The following CD109 variants were observed in gnomAD, a reference collection of about 807,000 sequenced individuals.
CD109 encodes CD109 molecule.
In CD109, 149 loss-of-function variants were observed where a neutral mutation model predicts 165.8. The ratio of observed to expected loss-of-function variants is 0.90; its 90% CI spans 0.79 to 1.03. The LOEUF (loss-of-function observed/expected upper bound fraction) is 1.03, where lower values mean the gene tolerates loss of function less well. Among genes scored for constraint, CD109 ranks in the 50% least tolerant of loss-of-function variants. The probability of loss-of-function intolerance (pLI) is 0.00; values close to 1 mark genes in which losing one functional copy is unlikely to be tolerated. For synonymous variants in CD109, 585 were observed against 592.1 expected, an observed-to-expected ratio of 0.99 and a Z score of 0.18; for missense variants, 1,712 against 1,677.8, an observed-to-expected ratio of 1.02 and a Z score of -0.36.
intron 2 of CD109, among the ~76,000 whole-genome samples, chr6:73,699,110 C>G (rs1446758157): frequency 6.6e-6 from 1 of 152,102 alleles, no homozygotes; most frequent in East Asian, 1.9e-4. Context: ...AAATGAATGA[C>G]CCCTGATCTT....
intron 5 of CD109, among the ~76,000 whole-genome samples, chr6:73,751,121 A>G (rs1382267270): frequency 6.6e-6 from 1 of 152,168 alleles, no homozygotes; most frequent in East Asian, 1.9e-4. Context: ...AGGGGTAACA[A>G]AATTCTCATC....
chr6:73,750,737 CT>C (rs1420449334), intron 5 of CD109, among the ~76,000 whole-genome samples: 1 of 152,154 alleles, frequency 6.6e-6, no homozygotes, highest in Non-Finnish European at 1.5e-5. Flanking sequence ...CCTATTCTTA[CT>C]TAACATATTC....
At chr6:73,802,289 G>GTGTGTATATA (rs71542231) in intron 23 of CD109, among the ~76,000 whole-genome samples, 144 of 78,188 alleles carry the variant, frequency 1.8e-3, no homozygotes, top group East Asian at 2.7e-3. Context: ...GTGTGTGTGT[G>GTGTGTATATA]TATATATATA....
At chr6:73,771,278 C>T in intron 14 of CD109, 151 bp from the exon 15 acceptor site, 1 of 553,934 alleles carries the variant, frequency 1.8e-6, no homozygotes, top group Non-Finnish European at 3.1e-6. Flanking sequence ...TTATTCCTTT[C>T]CCTAGAGAAG....
chr6:73,746,018 C>A (rs113148099), intron 5 of CD109, among the ~76,000 whole-genome samples: 1,840 of 152,372 alleles, frequency 0.012, 23 homozygotes, highest in Middle Eastern at 0.027. Flanking sequence ...GCATAAGCCA[C>A]TGTGCTCAGC....
At chr6:73,769,033 A>T (rs1025450580) in intron 14 of CD109, among the ~76,000 whole-genome samples, 2 of 151,788 alleles carry the variant, frequency 1.3e-5, no homozygotes, top group Non-Finnish European at 2.9e-5. Flanking sequence ...TTATTTTTTG[A>T]GACTAGGTTA....
chr6:73,781,875 C>G (rs1774522775), intron 17 of CD109, among the ~76,000 whole-genome samples: 1 of 145,236 alleles, frequency 6.9e-6, no homozygotes. Context: ...AGGATTATAT[C>G]TGTACATCCT....
At position 73,707,023 on chromosome 6, in the gene CD109, T is replaced by C. The variant is rs1279180139; in HGVS notation, c.247+9451T>C. Among the ~76,000 whole-genome samples the C allele has an allele frequency of 1.3e-5, 2 of 152,226 alleles. 1 individual carries two copies. Among genetic ancestry groups the C allele is most frequent in the African/African-American group, 4.8e-5 (2 of 41,458 alleles). On this transcript the variant is annotated intron_variant, in intron 2 of 32. Coordinates refer to ENST00000287097, the MANE Select transcript of CD109 (RefSeq NM_133493.5). ...GCACAATGCTGGGTGACATAAATATTTGGTGACCACATGAGGTTCCTGTGC... is the reference window on the plus strand; with the variant it reads ...GCACAATGCTGGGTGACATAAATATCTGGTGACCACATGAGGTTCCTGTGC...
intron 2 of CD109, among the ~76,000 whole-genome samples, chr6:73,703,996 C>T (rs899067517): frequency 2.6e-5 from 4 of 152,026 alleles, no homozygotes; most frequent in Non-Finnish European, 5.9e-5. Context: ...ACCAGCCTGG[C>T]CAACATGGTG....
At chr6:73,720,676 A>G (rs1771918484) in intron 2 of CD109, among the ~76,000 whole-genome samples, 1 of 152,242 alleles carries the variant, frequency 6.6e-6, no homozygotes, top group African/African-American at 2.4e-5. Flanking sequence ...AAACATTTTC[A>G]GAGTTAATTT....
intron 10 of CD109, among the ~76,000 whole-genome samples, chr6:73,765,707 G>T (rs1773809053): frequency 6.6e-6 from 1 of 152,134 alleles, no homozygotes; most frequent in Non-Finnish European, 1.5e-5. Flanking sequence ...AGGAAGTGAA[G>T]GGGGTTATTT....
intron 23 of CD109, among the ~76,000 whole-genome samples, chr6:73,801,017 TAGAG>T (rs1775342855): frequency 6.6e-6 from 1 of 152,222 alleles, no homozygotes; most frequent in Non-Finnish European, 1.5e-5. Flanking sequence ...ATCTGGTGCT[TAGAG>T]AGCCTTCCTC....
At chr6:73,714,160 G>A (rs1771637744) in intron 2 of CD109, among the ~76,000 whole-genome samples, 1 of 152,226 alleles carries the variant, frequency 6.6e-6, no homozygotes. Context: ...ACATTGTGGT[G>A]GATGCTGTGT....
chr6:73,692,789 G>A (rs1373451022), upstream of CD109, among the ~76,000 whole-genome samples: 3 of 152,252 alleles, frequency 2.0e-5, no homozygotes, highest in Non-Finnish European at 4.4e-5. Flanking sequence ...GTTTTATAAA[G>A]GGGAGTTCCC....
chr6:73,799,138 C>G (rs1775275862), intron 23 of CD109, among the ~76,000 whole-genome samples: 1 of 152,058 alleles, frequency 6.6e-6, no homozygotes, highest in Non-Finnish European at 1.5e-5. Context: ...TATTTTGCTT[C>G]TCTGTGATCC....
At chr6:73,821,965 GTTTC>G (rs1776124237) in intron 32 of CD109, among the ~76,000 whole-genome samples, 1 of 152,188 alleles carries the variant, frequency 6.6e-6, no homozygotes, top group South Asian at 2.1e-4. Context: ...GGAGTTAGCT[GTTTC>G]TTTATTGAGG....
intron 2 of CD109, among the ~76,000 whole-genome samples, chr6:73,705,283 A>G (rs1264903568): frequency 6.6e-6 from 1 of 152,176 alleles, no homozygotes; most frequent in Non-Finnish European, 1.5e-5. Context: ...TGCACAAGAG[A>G]GACAGAGCTC....
At chr6:73,744,853 A>G (rs540535633) in intron 5 of CD109, among the ~76,000 whole-genome samples, 19 of 152,308 alleles carry the variant, frequency 1.2e-4, no homozygotes, top group Middle Eastern at 3.4e-3. Context: ...TGTTGTGTTC[A>G]TCAATGAAAT....
In CD109 at chr6:73,810,001, G is replaced by A; in HGVS notation, c.3373G>A (p.Val1125Met). 6.3e-7 allele frequency: 1 copy of A among 1,590,522 alleles called. No individual in the cohort carries two copies. The highest frequency in any genetic ancestry group is 8.5e-7 in the Non-Finnish European group (1 of 1,171,594). Residue 1125 changes from valine to methionine, a missense_variant, in exon 27 of 33, where the codon GTG (valine) becomes ATG (methionine). Val to Met is a conservative substitution (Grantham distance 21). Coordinates refer to ENST00000287097, the MANE Select transcript of CD109 (RefSeq NM_133493.5). Reference sequence around the variant, plus strand: ...TCTTGCAGGTGGCATGCAATTCTGGGTGTCATCAGAGTCCAAACTTTCTGA... The same window carrying A: ...TCTTGCAGGTGGCATGCAATTCTGGATGTCATCAGAGTCCAAACTTTCTGA... ...AEQEGGMQFW[V>M]SSESKLSDSW...
Sources: allele counts gnomAD v4.1 joint callset (sites outside exome capture counted in the v4.1 genomes callset), GRCh38; gene constraint gnomAD v4.1.1; transcripts MANE v1.5; gene names NCBI Gene and HGNC (gene_info 2026-07-23, HGNC 2026-07-21).